USP15: variants seen among roughly 807,000 people sequenced by gnomAD.
USP15 encodes the protein ubiquitin specific peptidase 15.
A neutral mutation model predicts 127.1 loss-of-function variants in USP15; 18 were observed. That is an observed-to-expected ratio of 0.14 (90% CI 0.10 to 0.21). The LOEUF is 0.21. Among genes scored for constraint, USP15 ranks in the 10% least tolerant of loss-of-function variants. The pLI, the probability that USP15 is intolerant of heterozygous loss-of-function variation, is 1.00. For synonymous variants in USP15, 364 were observed against 393.7 expected (o/e 0.92, Z 0.89); for missense variants, 805 against 1,159.9 (o/e 0.69, Z 4.44).
Position 62,401,159 on chromosome 12 carries a change from G to A in USP15, c.2675-28G>A, listed in dbSNP as rs201491304. Reference sequence around the variant, plus strand: ...TCCCCAGAAAACCAAGATCATTTTCGTCACAGTGATTATATTTTTTTCATT... The same window carrying A: ...TCCCCAGAAAACCAAGATCATTTTCATCACAGTGATTATATTTTTTTCATT... On this transcript the variant is annotated intron_variant, in intron 20 of 21. Transcript: ENST00000280377. 190 of 1,552,038 alleles carry A rather than the reference G, an allele frequency of 1.2e-4. 1 individual carries two copies. Among genetic ancestry groups the A allele is most frequent in the Non-Finnish European group, 1.5e-4 (172 of 1,131,220 alleles).
intron 1 of USP15, among the ~76,000 whole-genome samples, chr12:62,290,368 T>G (rs1217940244): frequency 6.6e-6 from 1 of 152,182 alleles, no homozygotes; most frequent in East Asian, 1.9e-4. Context: ...TATAATAACT[T>G]TGTGTATTTT....
chr12:62,333,899 C>T (rs1423312127), intron 6 of USP15, among the ~76,000 whole-genome samples: 2 of 152,050 alleles, frequency 1.3e-5, no homozygotes, highest in African/African-American at 4.8e-5. Context: ...TGAAGAAGGA[C>T]AGTTGGCATC....
chr12:62,321,174 A>C (rs1309812509), intron 4 of USP15, among the ~76,000 whole-genome samples: 1 of 152,176 alleles, frequency 6.6e-6, no homozygotes, highest in Non-Finnish European at 1.5e-5. Context: ...GTTAAAATTT[A>C]AAGTTTATCC....
chr12:62,354,706 A>C, intron 7 of USP15, among the ~76,000 whole-genome samples: 1 of 151,980 alleles, frequency 6.6e-6, no homozygotes, highest in East Asian at 1.9e-4. Flanking sequence ...AGAAACCAAA[A>C]GAAAGAAAAG....
chr12:62,399,092 G>A (rs1430730933), intron 20 of USP15, among the ~76,000 whole-genome samples: 2 of 151,864 alleles, frequency 1.3e-5, no homozygotes, highest in South Asian at 2.1e-4. Context: ...TGTTGAATGT[G>A]TCTCTTATAG....
intron 1 of USP15, among the ~76,000 whole-genome samples, chr12:62,275,776 G>A (rs533082637): frequency 1.3e-4 from 20 of 152,200 alleles, no homozygotes; most frequent in African/African-American, 3.4e-4. Flanking sequence ...CTACTGATAC[G>A]TAAGGGAATC....
At chr12:62,345,075 C>T (rs554271687) in intron 6 of USP15, among the ~76,000 whole-genome samples, 3 of 152,224 alleles carry the variant, frequency 2.0e-5, no homozygotes, top group East Asian at 1.9e-4. Context: ...GTACTTTTGC[C>T]GGCTTGAATT....
At chr12:62,295,401 A>G (rs571140086) in intron 2 of USP15, among the ~76,000 whole-genome samples, 1 of 152,368 alleles carries the variant, frequency 6.6e-6, no homozygotes, top group African/African-American at 2.4e-5. Flanking sequence ...ACTATTTCGA[A>G]GAAACTTAAC....
At chr12:62,347,144 A>G (rs1592639640) in intron 6 of USP15, among the ~76,000 whole-genome samples, 1 of 152,206 alleles carries the variant, frequency 6.6e-6, no homozygotes, top group Middle Eastern at 3.4e-3. Context: ...TACAGTAGTC[A>G]TTTAATAAAT....
chr12:62,269,035 T>A lies in USP15; in HGVS notation c.89+8532T>A, dbSNP rs552507154. ...ATTTTTGCATCTTGCTTCTTTTACT[T>A]AGCATACATGTTTTCTAGGTTCATG... On this transcript the variant is annotated intron_variant, in intron 1 of 21. Transcript: ENST00000280377. Among the ~76,000 whole-genome samples, 162 of 152,274 alleles carry A rather than the reference T, an allele frequency of 1.1e-3. 3 individuals carry two copies. In the South Asian group the frequency reaches 0.012, roughly 11 times the overall value.
intron 20 of USP15, among the ~76,000 whole-genome samples, chr12:62,396,816 GT>G (rs1171467720): frequency 6.6e-6 from 1 of 152,054 alleles, no homozygotes; most frequent in African/African-American, 2.4e-5. Flanking sequence ...TTAGTCAGTT[GT>G]TTCTCACTGC....
intron 8 of USP15, among the ~76,000 whole-genome samples, chr12:62,356,510 T>C (rs1332779004): frequency 1.3e-5 from 2 of 151,994 alleles, no homozygotes; most frequent in African/African-American, 4.8e-5. Context: ...TCATACACTA[T>C]AGGCCAGGAG....
At chr12:62,319,234 T>A (rs1026151940) in intron 4 of USP15, among the ~76,000 whole-genome samples, 1 of 152,076 alleles carries the variant, frequency 6.6e-6, no homozygotes, top group Non-Finnish European at 1.5e-5. Context: ...CCAGATCACA[T>A]GAGAACTCAC....
At chr12:62,322,222 A>T (rs1439087800) in intron 5 of USP15, among the ~76,000 whole-genome samples, 1 of 152,004 alleles carries the variant, frequency 6.6e-6, no homozygotes, top group South Asian at 2.1e-4. Context: ...CTGCTTCCCA[A>T]GTTGAAGTGA....
intron 6 of USP15, among the ~76,000 whole-genome samples, chr12:62,339,067 G>A (rs900544392): frequency 6.6e-6 from 1 of 152,044 alleles, no homozygotes; most frequent in Admixed American, 6.6e-5. Flanking sequence ...GGGCAATGTG[G>A]CCATTTTCAC....
chr12:62,288,128 A>G (rs1249937426), intron 1 of USP15, among the ~76,000 whole-genome samples: 2 of 152,244 alleles, frequency 1.3e-5, no homozygotes, highest in East Asian at 3.9e-4. Context: ...TCAGTGAAAC[A>G]TGATGTTGGT....
intron 3 of USP15, among the ~76,000 whole-genome samples, chr12:62,308,084 A>G (rs2064539755): frequency 6.6e-6 from 1 of 152,130 alleles, no homozygotes; most frequent in Non-Finnish European, 1.5e-5. Context: ...GAATATAGGG[A>G]TTAGTGTGCT....
At chr12:62,391,929 C>T (rs1270366777) in intron 17 of USP15, 43 bp downstream of exon 17, 1 of 1,511,306 alleles carries the variant, frequency 6.6e-7, no homozygotes, top group East Asian at 2.3e-5. Context: ...CCTTGATTTA[C>T]TTTATGTGAT....
At chr12:62,331,690 A>G (rs1172963820) in intron 6 of USP15, among the ~76,000 whole-genome samples, 2 of 152,200 alleles carry the variant, frequency 1.3e-5, no homozygotes, top group Admixed American at 6.6e-5. Context: ...GCTGAAGCAT[A>G]AATTTTTGGG....
Sources: allele counts gnomAD v4.1 joint callset (sites outside exome capture counted in the v4.1 genomes callset), GRCh38; gene constraint gnomAD v4.1.1; transcripts MANE v1.5; gene names NCBI Gene and HGNC (gene_info 2026-07-23, HGNC 2026-07-21).